Variants in STON1 observed in about 807,000 individuals in gnomAD.
The protein encoded by STON1 is stonin-1.
In STON1, 79 loss-of-function variants were observed where a neutral mutation model predicts 60.9. The ratio of observed to expected loss-of-function variants is 1.30; its 90% CI spans 1.08 to 1.56. The LOEUF is 1.56. STON1 is among the 40% of genes most tolerant of loss of function. The pLI, the probability that STON1 is intolerant of heterozygous loss-of-function variation, is 0.00. For synonymous variants in STON1, 363 were observed against 306.9 expected, an observed-to-expected ratio of 1.18 and a Z score of -1.91; for missense variants, 1,166 against 858.9, an observed-to-expected ratio of 1.36 and a Z score of -4.47.
intron 1 of STON1, among the ~76,000 whole-genome samples, chr2:48,577,274 A>AT (rs1436827825): frequency 4.0e-5 from 6 of 149,876 alleles, no homozygotes; most frequent in Non-Finnish European, 8.9e-5. Flanking sequence ...TTTCCTCTGC[A>AT]TTTTTTTCTC....
At chr2:48,588,080 G>C (rs966503899) in intron 2 of STON1, among the ~76,000 whole-genome samples, 1 of 152,202 alleles carries the variant, frequency 6.6e-6, no homozygotes, top group Non-Finnish European at 1.5e-5. Context: ...TCCTAAGGCA[G>C]TGCTTCTCAA....
intron 1 of STON1, among the ~76,000 whole-genome samples, chr2:48,558,664 C>A (rs1039729373): frequency 3.3e-5 from 5 of 152,148 alleles, no homozygotes. Context: ...TAACTCAAAT[C>A]AACAGAAACA....
chr2:48,585,239 T>A (rs1166150841), intron 2 of STON1, among the ~76,000 whole-genome samples: 2 of 141,116 alleles, frequency 1.4e-5, no homozygotes, highest in Non-Finnish European at 3.1e-5. Flanking sequence ...AGATGATGTT[T>A]CCTGCTTTCT....
chr2:48,592,972 G>A (rs1674610927), intron 3 of STON1, among the ~76,000 whole-genome samples: 1 of 152,014 alleles, frequency 6.6e-6, no homozygotes, highest in Admixed American at 6.6e-5. Flanking sequence ...TTAGGCAGAT[G>A]AACTAAAGGA....
chr2:48,557,003 C>T lies in STON1; in HGVS notation c.-47-23584C>T, dbSNP rs1293633206. 2.3e-4 allele frequency among the ~76,000 whole-genome samples: 19 copies of T among 81,056 alleles called. 1 individual carries two copies. The highest frequency in any genetic ancestry group is 5.9e-4 in the South Asian group (1 of 1,684). The allele number at this position is 81,056 out of a possible 152,430, so 53.2% of individuals were successfully genotyped here. ...CCCCCCACCTCCCTCCTGGACGGCA[C>T]GGCTGCCCGGGCGGGGGGGCTGACC... is the stretch of plus-strand genomic sequence containing the variant. On this transcript the variant is annotated intron_variant, in intron 1 of 3. Coordinates refer to ENST00000404752, the MANE Select transcript of STON1 (RefSeq NM_006873.4).
intron 1 of STON1, among the ~76,000 whole-genome samples, chr2:48,541,842 C>T (rs1174723058): frequency 2.0e-5 from 3 of 152,084 alleles, no homozygotes; most frequent in African/African-American, 7.2e-5. Context: ...ATACCGTGTG[C>T]CACTGCCACC....
At chr2:48,552,215 A>G (rs1672133467) in intron 1 of STON1, among the ~76,000 whole-genome samples, 1 of 152,260 alleles carries the variant, frequency 6.6e-6, no homozygotes, top group African/African-American at 2.4e-5. Flanking sequence ...TGGGCCTTGA[A>G]GACATAATGC....
intron 1 of STON1, among the ~76,000 whole-genome samples, chr2:48,574,125 C>T (rs201069401): frequency 2.0e-5 from 3 of 152,084 alleles, no homozygotes; most frequent in Non-Finnish European, 4.4e-5. Flanking sequence ...CCTGTAATCC[C>T]AGCACTATGG....
intron 1 of STON1, among the ~76,000 whole-genome samples, chr2:48,555,393 C>T (rs1201061768): frequency 1.1e-4 from 6 of 56,158 alleles, no homozygotes; most frequent in Admixed American, 1.6e-4. Flanking sequence ...CCAGTAGGGG[C>T]GGCCGGGCAG....
At chr2:48,563,622 G>A (rs1672699298) in intron 1 of STON1, among the ~76,000 whole-genome samples, 1 of 152,198 alleles carries the variant, frequency 6.6e-6, no homozygotes, top group Admixed American at 6.5e-5. Context: ...TCAGACTCTT[G>A]TGTCTTCAGC....
chr2:48,585,807 C>A (rs938319172), intron 2 of STON1, among the ~76,000 whole-genome samples: 3 of 152,182 alleles, frequency 2.0e-5, no homozygotes, highest in Non-Finnish European at 4.4e-5. Context: ...TGCAGGTTTC[C>A]CCTGAAATCT....
chr2:48,547,001 T>G (rs745864364), intron 1 of STON1, among the ~76,000 whole-genome samples: 3 of 152,228 alleles, frequency 2.0e-5, no homozygotes, highest in Non-Finnish European at 4.4e-5. Context: ...AGTGAGTTTC[T>G]GTTGAGTCAA....
intron 1 of STON1, among the ~76,000 whole-genome samples, chr2:48,560,058 A>C (rs946352212): frequency 5.3e-5 from 8 of 152,192 alleles, no homozygotes; most frequent in African/African-American, 1.9e-4. Context: ...CAAAACACTA[A>C]AAGCAATTAC....
intron 1 of STON1, among the ~76,000 whole-genome samples, chr2:48,577,903 A>T (rs1435649317): frequency 2.0e-5 from 3 of 151,498 alleles, no homozygotes; most frequent in African/African-American, 7.3e-5. Flanking sequence ...GGCATGAGCC[A>T]CCGAGCCCGG....
chr2:48,535,264 T>C (rs1383530154), intron 1 of STON1, among the ~76,000 whole-genome samples: 1 of 152,182 alleles, frequency 6.6e-6, no homozygotes, highest in African/African-American at 2.4e-5. Context: ...TGGATGCTTA[T>C]TACTATGAAC....
intron 1 of STON1, among the ~76,000 whole-genome samples, chr2:48,542,463 C>T (rs1671692408): frequency 6.6e-6 from 1 of 152,140 alleles, no homozygotes; most frequent in Admixed American, 6.5e-5. Context: ...CAAAATCCAC[C>T]TCAAAAGGTT....
intron 1 of STON1, among the ~76,000 whole-genome samples, chr2:48,533,976 T>C (rs534289061): frequency 1.7e-4 from 26 of 151,944 alleles, no homozygotes; most frequent in Admixed American, 1.4e-3. Context: ...TCCATGTTGG[T>C]CAGGCTGGTT....
chr2:48,580,702 G>A lies in STON1; in HGVS notation c.69G>A (p.Lys23=), dbSNP rs1363650629. 6.8e-7 allele frequency: 1 copy of A among 1,464,338 alleles called. No individual in the cohort carries two copies. Among genetic ancestry groups the A allele is most frequent in the African/African-American group, 1.4e-5 (1 of 69,572 alleles). The allele number at this position is 1,464,338 out of a possible 1,614,324, so 90.7% of individuals were successfully genotyped here. ...ATCCTGCTGTTCAATCTTCTCAAAA[G>A]TCAAAGAATTTTCCTCTGGAGAATC... is the stretch of plus-strand genomic sequence containing the variant. ...DDDPAVQSSQ[K]SKNFPLENQG... The change falls in exon 2 of 4, where the codon AAG becomes AAA. Residue 23 remains lysine, a synonymous_variant. Transcript: ENST00000404752.
chr2:48,537,865 A>G (rs112266025), intron 1 of STON1, among the ~76,000 whole-genome samples: 10,941 of 151,264 alleles, frequency 0.072, 572 homozygotes, highest in Non-Finnish European at 0.11. Flanking sequence ...AAAAAAAAGA[A>G]AAAAAAAGGA....
Sources: gnomAD v4.1 joint callset for allele counts (sites outside exome capture counted in the v4.1 genomes callset) on GRCh38, gnomAD v4.1.1 for gene constraint, MANE v1.5 for transcripts, NCBI Gene and HGNC (gene_info 2026-07-23, HGNC 2026-07-21) for gene names.